Variants in ROBO2 observed in about 807,000 individuals in gnomAD.
The protein encoded by ROBO2 is roundabout homolog 2.
Under a neutral mutation model 160.8 loss-of-function variants are expected in ROBO2, and 53 were observed. The observed-to-expected ratio is 0.33, with a 90% CI of 0.26 to 0.41. The LOEUF (loss-of-function observed/expected upper bound fraction) is 0.41. ROBO2 is among the 10% of genes least tolerant of loss of function. The probability of loss-of-function intolerance (pLI) is 1.00; values close to 1 mark genes in which losing one functional copy is unlikely to be tolerated. For synonymous variants in ROBO2, 664 were observed against 611.7 expected, an observed-to-expected ratio of 1.09 and a Z score of -1.26; for missense variants, 1,577 against 1,722.4, an observed-to-expected ratio of 0.92 and a Z score of 1.49.
intron 2 of ROBO2, among the ~76,000 whole-genome samples, chr3:76,206,590 C>G (rs930941734): frequency 6.6e-6 from 1 of 152,134 alleles, no homozygotes; most frequent in Non-Finnish European, 1.5e-5. Flanking sequence ...GTCCAACGTG[C>G]ATATAGACAC....
At chr3:76,491,144 G>A (rs2079799721) in intron 2 of ROBO2, among the ~76,000 whole-genome samples, 1 of 152,018 alleles carries the variant, frequency 6.6e-6, no homozygotes, top group Non-Finnish European at 1.5e-5. Flanking sequence ...AATTTTAGTA[G>A]AGATGGGGTT....
At chr3:77,237,760 GT>G (rs1391966478) in intron 2 of ROBO2, among the ~76,000 whole-genome samples, 1 of 152,142 alleles carries the variant, frequency 6.6e-6, no homozygotes, top group Non-Finnish European at 1.5e-5. Flanking sequence ...ATGCCAAACA[GT>G]GGAATTTCTA....
chr3:76,415,182 C>T (rs952466044), intron 2 of ROBO2, among the ~76,000 whole-genome samples: 38 of 152,256 alleles, frequency 2.5e-4, no homozygotes, highest in African/African-American at 8.7e-4. Flanking sequence ...AGAAGTACAT[C>T]GAAGGCTCCA....
chr3:76,397,041 G>C (rs187051426), intron 2 of ROBO2, among the ~76,000 whole-genome samples: 138 of 152,246 alleles, frequency 9.1e-4, no homozygotes, highest in African/African-American at 3.2e-3. Context: ...AAAGAACAAA[G>C]CTGGAGGCAT....
At chr3:77,281,007 C>G (rs1325132984) in intron 2 of ROBO2, among the ~76,000 whole-genome samples, 2 of 152,256 alleles carry the variant, frequency 1.3e-5, no homozygotes, top group African/African-American at 4.8e-5. Context: ...GCACAAGGAA[C>G]AGAATATGCA....
At chr3:77,096,893 C>T (rs2071151097) in intron 1 of ROBO2, among the ~76,000 whole-genome samples, 1 of 152,162 alleles carries the variant, frequency 6.6e-6, no homozygotes, top group Admixed American at 6.5e-5. Context: ...ATTTTTCCTT[C>T]TTCTTTTCTA....
intron 2 of ROBO2, among the ~76,000 whole-genome samples, chr3:77,292,736 G>C (rs191540598): frequency 1.0e-5 from 1 of 96,302 alleles, no homozygotes; most frequent in African/African-American, 2.7e-5. Context: ...ATGGTTAAAC[G>C]GGAAGTTGAG....
chr3:76,220,512 ACG>A (rs1703894883), intron 2 of ROBO2, among the ~76,000 whole-genome samples: 1 of 152,052 alleles, frequency 6.6e-6, no homozygotes, highest in South Asian at 2.1e-4. Context: ...CCGCCTTGTG[ACG>A]ATGCAGCAAG....
intron 2 of ROBO2, among the ~76,000 whole-genome samples, chr3:77,162,804 A>C (rs187783524): frequency 2.0e-4 from 30 of 152,206 alleles, no homozygotes; most frequent in Non-Finnish European, 1.0e-4. Context: ...GCAGTTTAGC[A>C]TTTAGCAATG....
chr3:76,627,796 T>G (rs1343808986), intron 2 of ROBO2, among the ~76,000 whole-genome samples: 1 of 152,206 alleles, frequency 6.6e-6, no homozygotes, highest in Non-Finnish European at 1.5e-5. Flanking sequence ...CCTGTATTAA[T>G]TATTTCTGCA....
intron 20 of ROBO2, among the ~76,000 whole-genome samples, chr3:77,607,204 A>G (rs536929599): frequency 6.6e-6 from 1 of 152,314 alleles, no homozygotes; most frequent in African/African-American, 2.4e-5. Flanking sequence ...GCTAAGAACT[A>G]TTCACATATG....
chr3:76,868,610 C>T (rs752101127), intron 2 of ROBO2, among the ~76,000 whole-genome samples: 15 of 152,060 alleles, frequency 9.9e-5, no homozygotes, highest in Non-Finnish European at 1.8e-4. Flanking sequence ...ATATATGTAT[C>T]TCAGCTAAAA....
At chr3:76,812,805 TA>T (rs2065307434) in intron 2 of ROBO2, among the ~76,000 whole-genome samples, 1 of 151,466 alleles carries the variant, frequency 6.6e-6, no homozygotes. Context: ...GCAAAATTAG[TA>T]ACGGAAGAAA....
intron 2 of ROBO2, among the ~76,000 whole-genome samples, chr3:77,134,383 A>G (rs1316190337): frequency 6.6e-6 from 1 of 152,234 alleles, no homozygotes; most frequent in East Asian, 1.9e-4. Context: ...AAAAATTTAA[A>G]AACACATTTG....
intron 2 of ROBO2, among the ~76,000 whole-genome samples, chr3:77,467,843 C>G (rs1186201067): frequency 6.6e-6 from 1 of 151,936 alleles, no homozygotes; most frequent in Non-Finnish European, 1.5e-5. Flanking sequence ...TTGCTTTGAG[C>G]AAGCCAAGAC....
chr3:76,206,917 G>C (rs964233572), intron 2 of ROBO2, among the ~76,000 whole-genome samples: 3 of 152,112 alleles, frequency 2.0e-5, no homozygotes, highest in African/African-American at 7.2e-5. Context: ...AGACTTAACA[G>C]CCTCAGAGCC....
chr3:76,848,730 T>C (rs906277548), intron 2 of ROBO2, among the ~76,000 whole-genome samples: 3 of 152,162 alleles, frequency 2.0e-5, no homozygotes, highest in Non-Finnish European at 4.4e-5. Context: ...AAGGCCTTTT[T>C]ATAAGGGCAC....
intron 2 of ROBO2, among the ~76,000 whole-genome samples, chr3:76,494,100 C>T (rs528353969): frequency 6.6e-5 from 10 of 152,182 alleles, no homozygotes; most frequent in East Asian, 1.9e-4. Flanking sequence ...TTCACAGTAG[C>T]GCCAACCACA....
intron 2 of ROBO2, among the ~76,000 whole-genome samples, chr3:76,989,898 G>T (rs1339383323): frequency 6.6e-6 from 1 of 152,120 alleles, no homozygotes; most frequent in African/African-American, 2.4e-5. Context: ...GGGCATAGTT[G>T]TGTTTCTTTT....
Sources: allele counts gnomAD v4.1 joint callset (sites outside exome capture counted in the v4.1 genomes callset), GRCh38; gene constraint gnomAD v4.1.1; transcripts MANE v1.5; gene names NCBI Gene and HGNC (gene_info 2026-07-23, HGNC 2026-07-21).